The following ELAPOR1 variants were observed in gnomAD, a reference collection of about 807,000 sequenced individuals.
ELAPOR1 encodes the protein endosome/lysosome-associated apoptosis and autophagy regulator 1.
Under a neutral mutation model 119.7 loss-of-function variants are expected in ELAPOR1, and 77 were observed. That is an observed-to-expected ratio of 0.64 (90% CI 0.54 to 0.78). The LOEUF (loss-of-function observed/expected upper bound fraction) is 0.78, where lower values mean the gene tolerates loss of function less well. Among genes scored for constraint, ELAPOR1 ranks in the 30% least tolerant of loss-of-function variants. ELAPOR1 has a pLI of 0.00. For synonymous variants in ELAPOR1, 481 were observed against 487.2 expected (o/e 0.99, Z 0.17); for missense variants, 1,115 against 1,270.4 (o/e 0.88, Z 1.86).
At chr1:109,150,207 G>T (rs1650443202) in intron 1 of ELAPOR1, among the ~76,000 whole-genome samples, 1 of 152,168 alleles carries the variant, frequency 6.6e-6, no homozygotes, top group South Asian at 2.1e-4. Context: ...TGCTTTGTGT[G>T]ATATGTCCAT....
intron 1 of ELAPOR1, among the ~76,000 whole-genome samples, chr1:109,119,669 T>A (rs1648269270): frequency 6.6e-6 from 1 of 152,202 alleles, no homozygotes; most frequent in Admixed American, 6.6e-5. Flanking sequence ...GCATTTTCGG[T>A]GTTGTAAAAT....
At chr1:109,122,314 C>CA (rs1323463366) in intron 1 of ELAPOR1, among the ~76,000 whole-genome samples, 1 of 145,708 alleles carries the variant, frequency 6.9e-6, no homozygotes, top group Non-Finnish European at 1.5e-5. Context: ...GCTGGGATTA[C>CA]AGGCGTGAGC....
At chr1:109,176,391 G>A (rs1433520391) in intron 7 of ELAPOR1, among the ~76,000 whole-genome samples, 1 of 152,028 alleles carries the variant, frequency 6.6e-6, no homozygotes, top group Non-Finnish European at 1.5e-5. Context: ...TTTTTACACA[G>A]TTTATATGTA....
chr1:109,129,666 G>C (rs1461356882), intron 1 of ELAPOR1, among the ~76,000 whole-genome samples: 1 of 152,180 alleles, frequency 6.6e-6, no homozygotes, highest in East Asian at 1.9e-4. Flanking sequence ...AGTGGACAGA[G>C]CGCAGCCTCT....
chr1:109,158,088 A>G (rs1207111900), intron 1 of ELAPOR1, among the ~76,000 whole-genome samples: 1 of 152,160 alleles, frequency 6.6e-6, no homozygotes, highest in Non-Finnish European at 1.5e-5. Context: ...GGGTTTCACC[A>G]TGATGGCCAG....
intron 18 of ELAPOR1, 38 bp downstream of exon 18, chr1:109,198,712 T>C (rs1331602461): frequency 3.9e-6 from 6 of 1,527,198 alleles, no homozygotes; most frequent in Non-Finnish European, 4.5e-6. Flanking sequence ...GGCCAAAATC[T>C]CCCTTGAAGT....
chr1:109,197,688 A>AGAGTGTGT (rs113482805), intron 16 of ELAPOR1, 34 bp downstream of exon 16: 19 of 1,366,716 alleles, frequency 1.4e-5, no homozygotes, highest in South Asian at 2.7e-5. Context: ...CTTGTTTGAG[A>AGAGTGTGT]GTGTGTGTGT....
At chr1:109,151,554 C>T (rs1009055927) in intron 1 of ELAPOR1, among the ~76,000 whole-genome samples, 1 of 152,174 alleles carries the variant, frequency 6.6e-6, no homozygotes, top group East Asian at 1.9e-4. Flanking sequence ...AAGGGCTGGG[C>T]CTGAGAGAAA....
intron 7 of ELAPOR1, 139 bp from the exon 8 acceptor site, chr1:109,184,906 A>G: frequency 1.4e-6 from 1 of 703,008 alleles, no homozygotes; most frequent in South Asian, 1.6e-5. Context: ...GGGAAGGGTG[A>G]GTGTGCAGGA....
Position 109,186,575 on chromosome 1 carries a change from G to T in ELAPOR1, c.1041+1442G>T, listed in dbSNP as rs142245330. 5.2e-4 allele frequency: 512 copies of T among 985,510 alleles called. 1 individual carries two copies. In the South Asian group the frequency reaches 6.4e-3, roughly 12 times the overall value. 61.0% of individuals were successfully genotyped at this position (985,510 alleles called of 1,614,324 possible). A position where few individuals can be genotyped will look rare whatever the true frequency, so the allele number is the denominator to read the frequency against. ...TGGGGCATCATCCCCTTCTCCAGCA[G>T]CCAAGAGAGAATGGCTGTGTCTTGT... On this transcript the variant is annotated intron_variant, in intron 8 of 21. Coordinates refer to ENST00000369939, the MANE Select transcript of ELAPOR1 (RefSeq NM_020775.5).
At chr1:109,138,179 A>T (rs886470021) in intron 1 of ELAPOR1, among the ~76,000 whole-genome samples, 1 of 20,196 alleles carries the variant, frequency 5.0e-5, no homozygotes, top group African/African-American at 9.2e-5. Context: ...CCTTAAGATC[A>T]GGTTGACCAG....
chr1:109,155,326 C>A (rs1040887662), intron 1 of ELAPOR1, among the ~76,000 whole-genome samples: 1 of 152,114 alleles, frequency 6.6e-6, no homozygotes, highest in South Asian at 2.1e-4. Flanking sequence ...CAGGCACCCA[C>A]CATCACGCCC....
At chr1:109,154,016 T>A (rs1042371956) in intron 1 of ELAPOR1, among the ~76,000 whole-genome samples, 2 of 152,084 alleles carry the variant, frequency 1.3e-5, no homozygotes, top group Non-Finnish European at 2.9e-5. Context: ...GTGCTGTGGC[T>A]CATGCCTGTA....
chr1:109,191,900 C>G (rs747464006), intron 13 of ELAPOR1, 37 bp downstream of exon 13: 1 of 1,610,352 alleles, frequency 6.2e-7, no homozygotes, highest in South Asian at 1.1e-5. Flanking sequence ...CCAGGAGAGA[C>G]CCTCTGAACC....
In ELAPOR1 at chr1:109,192,682, C is replaced by G. The variant is rs146489407; in HGVS notation, c.1755C>G (p.Ala585=). 6.2e-7 allele frequency: 1 copy of G among 1,614,088 alleles called. No individual in the cohort carries two copies. The highest frequency in any genetic ancestry group is 1.1e-5 in the South Asian group (1 of 91,084). ...TCACCAATGTTATGAATGGTGTGGC[C>G]TCCTACTGCCGTCCCTGTGCCCTAG... ...INVTNVMNGV[A]SYCRPCALEA... Residue 585 remains alanine (A), a synonymous_variant, in exon 14 of 22, where the codon GCC becomes GCG. Transcript: ENST00000369939.
chr1:109,201,581 T>G (rs1487869846), intron 21 of ELAPOR1, among the ~76,000 whole-genome samples: 1 of 151,280 alleles, frequency 6.6e-6, no homozygotes, highest in African/African-American at 2.4e-5. Context: ...CCAATAGGAG[T>G]GGGTGGGGAG....
At chr1:109,141,137 CCA>C (rs1356921867) in intron 1 of ELAPOR1, among the ~76,000 whole-genome samples, 5 of 152,106 alleles carry the variant, frequency 3.3e-5, no homozygotes, top group African/African-American at 1.2e-4. Flanking sequence ...CAGGCATGAG[CCA>C]TCATGCCCGG....
At chr1:109,192,990 T>TA in intron 14 of ELAPOR1, 116 bp downstream of exon 14, 1 of 1,180,930 alleles carries the variant, frequency 8.5e-7, no homozygotes, top group Non-Finnish European at 1.2e-6. Flanking sequence ...CCCCCTAGCA[T>TA]ACTCCTAGGT....
intron 7 of ELAPOR1, 66 bp from the exon 8 acceptor site, chr1:109,184,979 T>C: frequency 1.6e-6 from 2 of 1,257,224 alleles, no homozygotes; most frequent in Middle Eastern, 1.9e-4. Flanking sequence ...CACAGGGCCA[T>C]GAAGAGGCCA....
Sources: allele counts gnomAD v4.1 joint callset (sites outside exome capture counted in the v4.1 genomes callset), GRCh38; gene constraint gnomAD v4.1.1; transcripts MANE v1.5; gene names NCBI Gene and HGNC (gene_info 2026-07-23, HGNC 2026-07-21).